The following MEOX2 variants were observed in gnomAD, a reference collection of about 807,000 sequenced individuals.
MEOX2 encodes the protein mesenchyme homeobox 2.
MEOX2 carries 11 observed loss-of-function variants against 27.0 expected under a neutral mutation model. The ratio of observed to expected loss-of-function variants is 0.41; its 90% CI spans 0.26 to 0.68. The LOEUF is 0.68. Among genes scored for constraint, MEOX2 ranks in the 30% least tolerant of loss-of-function variants. MEOX2 has a pLI of 0.33. For missense variants in MEOX2, 436 were observed against 385.4 expected, an observed-to-expected ratio of 1.13 and a Z score of -1.10; for synonymous variants, 189 against 155.4, an observed-to-expected ratio of 1.22 and a Z score of -1.61.
chr7:15,664,826 G>T (rs770485277), intron 1 of MEOX2, among the ~76,000 whole-genome samples: 1 of 152,004 alleles, frequency 6.6e-6, no homozygotes, highest in East Asian at 1.9e-4. Flanking sequence ...GTGCTCTGTG[G>T]ATATCTGCTG....
At chr7:15,675,711 C>G (rs1182930274) in intron 1 of MEOX2, among the ~76,000 whole-genome samples, 1 of 152,176 alleles carries the variant, frequency 6.6e-6, no homozygotes, top group East Asian at 1.9e-4. Flanking sequence ...TTACAGGTTA[C>G]AATTCATTAA....
chr7:15,643,093 C>A lies in MEOX2; in HGVS notation c.518-16175G>T, dbSNP rs536965713. Among the ~76,000 whole-genome samples, 279 of 152,246 alleles carry A rather than the reference C, an allele frequency of 1.8e-3. 2 individuals carry two copies. The highest frequency in any genetic ancestry group is 3.2e-3 in the Non-Finnish European group (219 of 68,020). ...GCTACAGGTCAATAGGTAGCTCTTG[C>A]AAGTAAGAGCCAGTTGAGTTCCCTA... On this transcript the variant is annotated intron_variant, in intron 1 of 2. Coordinates refer to ENST00000262041, the MANE Select transcript of MEOX2 (RefSeq NM_005924.5).
At chr7:15,633,633 A>G (rs1781436911) in intron 1 of MEOX2, among the ~76,000 whole-genome samples, 1 of 151,950 alleles carries the variant, frequency 6.6e-6, no homozygotes, top group Non-Finnish European at 1.5e-5. Context: ...ACACCTTCTC[A>G]GAGTGTAAGG....
intron 2 of MEOX2, among the ~76,000 whole-genome samples, chr7:15,616,659 A>G (rs964554038): frequency 6.6e-6 from 1 of 151,942 alleles, no homozygotes; most frequent in Non-Finnish European, 1.5e-5. Context: ...TTATTTACTA[A>G]AAAATAAGTA....
chr7:15,662,217 A>G (rs1426799256), intron 1 of MEOX2, among the ~76,000 whole-genome samples: 2 of 151,976 alleles, frequency 1.3e-5, no homozygotes, highest in African/African-American at 4.8e-5. Context: ...TCCATTATCT[A>G]GAGAATTCTA....
At chr7:15,679,709 A>T (rs1213224890) in intron 1 of MEOX2, 2 of 152,052 alleles carry the variant, frequency 1.3e-5, no homozygotes, top group African/African-American at 4.8e-5. Context: ...TGGAAATTTT[A>T]AAAATAAAAT....
At chr7:15,624,346 C>T (rs7793546) in intron 2 of MEOX2, among the ~76,000 whole-genome samples, 100,832 of 151,496 alleles carry the variant, frequency 0.67, 33,764 homozygotes, top group East Asian at 0.8. Context: ...GAAAACTGAA[C>T]TATCTCTCAT....
At chr7:15,632,482 A>G (rs1452257592) in intron 1 of MEOX2, among the ~76,000 whole-genome samples, 1 of 151,854 alleles carries the variant, frequency 6.6e-6, no homozygotes, top group Non-Finnish European at 1.5e-5. Context: ...TTCTTCTTCC[A>G]TGACCTAAGT....
At chr7:15,663,487 C>T (rs1042908884) in intron 1 of MEOX2, among the ~76,000 whole-genome samples, 1 of 142,406 alleles carries the variant, frequency 7.0e-6, no homozygotes, top group Non-Finnish European at 1.5e-5. Context: ...CGCATGCCAC[C>T]ACACCCGGCT....
At chr7:15,649,039 G>A (rs905655016) in intron 1 of MEOX2, among the ~76,000 whole-genome samples, 2 of 152,050 alleles carry the variant, frequency 1.3e-5, no homozygotes, top group African/African-American at 4.8e-5. Flanking sequence ...GAGTAACAAA[G>A]CAAGTCACCA....
At chr7:15,659,405 A>G (rs1018641664) in intron 1 of MEOX2, among the ~76,000 whole-genome samples, 1 of 152,182 alleles carries the variant, frequency 6.6e-6, no homozygotes, top group Non-Finnish European at 1.5e-5. Flanking sequence ...TGAAAATTTT[A>G]TATCTGTGTC....
chr7:15,644,489 G>C (rs781744296), intron 1 of MEOX2, among the ~76,000 whole-genome samples: 2 of 152,184 alleles, frequency 1.3e-5, no homozygotes, highest in Non-Finnish European at 2.9e-5. Context: ...GGAGGATGGA[G>C]AAGAACATAG....
At chr7:15,635,339 A>T (rs1347235009) in intron 1 of MEOX2, among the ~76,000 whole-genome samples, 2 of 151,978 alleles carry the variant, frequency 1.3e-5, no homozygotes. Flanking sequence ...GACCACTGCC[A>T]TTTAATTGTG....
chr7:15,624,519 G>A (rs1315754354), intron 2 of MEOX2, among the ~76,000 whole-genome samples: 4 of 152,104 alleles, frequency 2.6e-5, no homozygotes, highest in African/African-American at 9.7e-5. Context: ...AAAAGCCCTT[G>A]CTCACCGGAG....
intron 1 of MEOX2, among the ~76,000 whole-genome samples, chr7:15,642,323 T>C (rs560046533): frequency 6.6e-6 from 1 of 151,734 alleles, no homozygotes; most frequent in African/African-American, 2.4e-5. Flanking sequence ...AATTATTTTT[T>C]CTTTATTTTT....
intron 2 of MEOX2, among the ~76,000 whole-genome samples, chr7:15,616,171 A>C (rs1203980409): frequency 6.6e-6 from 1 of 151,832 alleles, no homozygotes; most frequent in Non-Finnish European, 1.5e-5. Flanking sequence ...ATTATATAGA[A>C]TAACTCTAAT....
intron 2 of MEOX2, among the ~76,000 whole-genome samples, chr7:15,625,856 C>A (rs769049904): frequency 5.9e-5 from 9 of 151,972 alleles, no homozygotes; most frequent in Non-Finnish European, 8.8e-5. Flanking sequence ...AAGAAAGGGA[C>A]CTAAAAAGCA....
intron 1 of MEOX2, among the ~76,000 whole-genome samples, chr7:15,677,096 T>G (rs1380058641): frequency 6.6e-6 from 1 of 152,162 alleles, no homozygotes; most frequent in Non-Finnish European, 1.5e-5. Flanking sequence ...CGTTTACAAT[T>G]CTAAGGACAA....
chr7:15,667,099 G>A (rs902423906), intron 1 of MEOX2, among the ~76,000 whole-genome samples: 3 of 150,766 alleles, frequency 2.0e-5, no homozygotes, highest in Non-Finnish European at 3.0e-5. Flanking sequence ...AGACCATCCT[G>A]GCCAACAGGG....
Sources: gnomAD v4.1 joint callset for allele counts (sites outside exome capture counted in the v4.1 genomes callset) on GRCh38, gnomAD v4.1.1 for gene constraint, MANE v1.5 for transcripts, NCBI Gene and HGNC (gene_info 2026-07-23, HGNC 2026-07-21) for gene names.